The following PLEKHA3 variants were observed in gnomAD, a reference collection of about 807,000 sequenced individuals.
The protein encoded by PLEKHA3 is pleckstrin homology domain containing A3, also known as pleckstrin homology domain-containing family A member 3.
PLEKHA3 carries 19 observed loss-of-function variants against 39.2 expected under a neutral mutation model. The observed-to-expected ratio is 0.48, with a 90% CI of 0.34 to 0.71. The LOEUF (loss-of-function observed/expected upper bound fraction) is 0.71, where lower values mean the gene tolerates loss of function less well. Among genes scored for constraint, PLEKHA3 ranks in the 30% least tolerant of loss-of-function variants. The pLI is 0.01. For missense variants in PLEKHA3, 253 were observed against 359.5 expected (o/e 0.70, Z 2.40); for synonymous variants, 97 against 118.6 (o/e 0.82, Z 1.18).
chr2:178,501,648 A>C (rs1575146879), intron 7 of PLEKHA3, among the ~76,000 whole-genome samples: 1 of 151,966 alleles, frequency 6.6e-6, no homozygotes, highest in South Asian at 2.1e-4. Flanking sequence ...TTTCTTCCTT[A>C]TTAAAGAGGC....
rs575106816 is a variant in PLEKHA3 at position 178,514,922 on chromosome 2, A to C, written c.*11035A>C. 12 of 152,266 alleles carry C rather than the reference A, an allele frequency of 7.9e-5. No homozygotes were observed. The highest frequency in any genetic ancestry group is 1.5e-4 in the Non-Finnish European group (10 of 68,020). The allele number at this position is 152,266 out of a possible 1,614,324, so 9.4% of individuals were successfully genotyped here. A position where few individuals can be genotyped will look rare whatever the true frequency, so the allele number is the denominator to read the frequency against. ...TTTGAGGGGAAAAGGCACAGATTGCAACTTTTCTTTCCTGCTTTTGTGAAT... is the reference window on the plus strand; with the variant it reads ...TTTGAGGGGAAAAGGCACAGATTGCCACTTTTCTTTCCTGCTTTTGTGAAT... On this transcript the variant is annotated 3_prime_UTR_variant, in exon 8 of 8. Transcript: ENST00000234453.
rs187271083 is a variant in PLEKHA3, at chr2:178,510,656, G to A, written c.*6769G>A. 3.9e-5 allele frequency: 6 copies of A among 153,864 alleles called. No individual in the cohort carries two copies. Among genetic ancestry groups the A allele is most frequent in the African/African-American group, 1.2e-4 (5 of 41,550 alleles). 9.5% of individuals were successfully genotyped at this position (153,864 alleles called of 1,614,324 possible). A position where few individuals can be genotyped will look rare whatever the true frequency, so the allele number is the denominator to read the frequency against. On this transcript the variant is annotated 3_prime_UTR_variant, in exon 8 of 8. Coordinates refer to ENST00000234453, the MANE Select transcript of PLEKHA3 (RefSeq NM_019091.4). ...TAGTGCTCTACATAGTGTTGGAAGC[G>A]AGAGACTGAGCCCTAACATGCCAGT... is the stretch of plus-strand genomic sequence containing the variant.
At chr2:178,494,610 T>G (rs77603261) in intron 4 of PLEKHA3, among the ~76,000 whole-genome samples, 110 of 152,276 alleles carry the variant, frequency 7.2e-4, no homozygotes, top group African/African-American at 2.2e-3. Context: ...AGGAATCTTG[T>G]GTAAGAAGCC....
intron 3 of PLEKHA3, among the ~76,000 whole-genome samples, chr2:178,492,213 A>G (rs1464023298): frequency 6.6e-6 from 1 of 152,122 alleles, no homozygotes; most frequent in Non-Finnish European, 1.5e-5. Flanking sequence ...AGGTATTGAG[A>G]AATGAAGGCT....
At chr2:178,496,720 A>AT (rs1212683642) in intron 5 of PLEKHA3, among the ~76,000 whole-genome samples, 1 of 151,718 alleles carries the variant, frequency 6.6e-6, no homozygotes, top group African/African-American at 2.4e-5. Context: ...TTATTTATTT[A>AT]TTTATTTTTT....
chr2:178,492,368 A>C (rs920438319), intron 3 of PLEKHA3, among the ~76,000 whole-genome samples: 18 of 151,802 alleles, frequency 1.2e-4, no homozygotes, highest in African/African-American at 3.9e-4. Context: ...GATAAACAAA[A>C]TATACAATAG....
rs1299832940 is a variant in PLEKHA3, at chr2:178,501,112, G to A, written c.711G>A (p.Gln237=). 6.2e-7 allele frequency: 1 copy of A among 1,613,194 alleles called. No homozygotes were observed. Among genetic ancestry groups the A allele is most frequent in the African/African-American group, 1.3e-5 (1 of 74,852 alleles). The change falls in exon 7 of 8, where the codon CAG becomes CAA. Residue 237 remains glutamine, a synonymous_variant. Coordinates refer to ENST00000234453, the MANE Select transcript of PLEKHA3 (RefSeq NM_019091.4). ...TATCTACACTTCACCGACTCTCCCA[G>A]CGACGCCGAAGAACCTACTCAGATA... ...EPVSTLHRLS[Q]RRRRTYSDTD... is the part of the protein sequence containing the mutation.
In PLEKHA3 at chr2:178,507,674, T is replaced by G. The variant is rs1408759913; in HGVS notation, c.*3787T>G. On this transcript the variant is annotated 3_prime_UTR_variant, in exon 8 of 8. Transcript: ENST00000234453. ...TCACATTAGGTTTTTTTTTTTTTTT[T>G]TTTTTTTTTTTTTTTTTTTTGGCAA... The G allele has an allele frequency of 2.4e-5, 3 of 125,018 alleles. No homozygotes were observed. Among genetic ancestry groups the G allele is most frequent in the African/African-American group, 7.6e-5 (2 of 26,308 alleles). 7.7% of individuals were successfully genotyped at this position (125,018 alleles called of 1,614,324 possible). A position where few individuals can be genotyped will look rare whatever the true frequency, so the allele number is the denominator to read the frequency against.
rs1011915907 is a variant in PLEKHA3, at chr2:178,506,138, A to G, written c.*2251A>G. On this transcript the variant is annotated 3_prime_UTR_variant, in exon 8 of 8. Transcript: ENST00000234453. ...ATTCTGTAAGAATTTTAGCTTGTCA[A>G]GTTGTTCTATACTTTATAGAAAAAT... is the stretch of plus-strand genomic sequence containing the variant. 6.6e-6 allele frequency: 1 copy of G among 152,152 alleles called. No individual in the cohort carries two copies. Among genetic ancestry groups the G allele is most frequent in the Admixed American group, 6.6e-5 (1 of 15,260 alleles). The allele number at this position is 152,152 out of a possible 1,614,324, so 9.4% of individuals were successfully genotyped here.
At position 178,514,105 on chromosome 2, in the gene PLEKHA3, T is replaced by C. The variant is rs1685726596; in HGVS notation, c.*10218T>C. ...GCTTATTATTGATTTTTTTTTCTTG[T>C]TTTGCAGTTGTTGGCTAGAGAAAAG... On this transcript the variant is annotated 3_prime_UTR_variant, in exon 8 of 8. Transcript: ENST00000234453. 2.6e-5 allele frequency: 4 copies of C among 152,052 alleles called. No homozygotes were observed. The highest frequency in any genetic ancestry group is 2.6e-4 in the Admixed American group (4 of 15,260). The allele number at this position is 152,052 out of a possible 1,614,324, so 9.4% of individuals were successfully genotyped here. A position where few individuals can be genotyped will look rare whatever the true frequency, so the allele number is the denominator to read the frequency against.
At position 178,501,059 on chromosome 2, in the gene PLEKHA3, A is replaced by T. The variant is rs1225925372; in HGVS notation, c.660-2A>T. ...ATTTAATGCTTTTTACTTAATTTGC[A>T]GGAGTAGCCACTCTATAAAAGAACC... On this transcript the variant is annotated splice_acceptor_variant, in intron 6 of 7. Transcript: ENST00000234453. LOFTEE classifies it high-confidence loss of function. 1 of 1,600,294 alleles carries T rather than the reference A, an allele frequency of 6.2e-7. No homozygotes were observed. Among genetic ancestry groups the T allele is most frequent in the Non-Finnish European group, 8.5e-7 (1 of 1,171,612 alleles).
intron 7 of PLEKHA3, chr2:178,502,276 A>C (rs1685538015): frequency 5.2e-6 from 1 of 190,686 alleles, no homozygotes; most frequent in South Asian, 9.2e-5. Flanking sequence ...TGAATTAATC[A>C]TCTATTTATT....
intron 3 of PLEKHA3, among the ~76,000 whole-genome samples, chr2:178,491,828 C>A (rs933236577): frequency 3.3e-5 from 5 of 152,022 alleles, no homozygotes; most frequent in African/African-American, 1.2e-4. Context: ...TGGTGAGGGC[C>A]TCATGCTGCA....
chr2:178,499,449 GAAA>G (rs1256810945), intron 6 of PLEKHA3, among the ~76,000 whole-genome samples, 195 bp downstream of exon 6: 1 of 151,924 alleles, frequency 6.6e-6, no homozygotes, highest in Non-Finnish European at 1.5e-5. Context: ...AGTCAGTAAA[GAAA>G]AAAATGAATG....
chr2:178,486,488 A>C (rs1048479207), intron 2 of PLEKHA3, among the ~76,000 whole-genome samples: 4 of 152,222 alleles, frequency 2.6e-5, no homozygotes. Context: ...CTTGTCCTTC[A>C]TGAAGTGTGT....
rs1231053087 is a variant in PLEKHA3, at chr2:178,514,197, T to G, written c.*10310T>G. 1.3e-5 allele frequency: 2 copies of G among 150,218 alleles called. No individual in the cohort carries two copies. Among genetic ancestry groups the G allele is most frequent in the African/African-American group, 4.9e-5 (2 of 41,178 alleles). The allele number at this position is 150,218 out of a possible 1,614,324, so 9.3% of individuals were successfully genotyped here. On this transcript the variant is annotated 3_prime_UTR_variant, in exon 8 of 8. Coordinates refer to ENST00000234453, the MANE Select transcript of PLEKHA3 (RefSeq NM_019091.4). ...ATGACCATGGATAGCAAACTGCCTT[T>G]TTTTTTTTTTTTAACTCCTGTGTCA...
intron 4 of PLEKHA3, 64 bp from the exon 5 acceptor site, chr2:178,495,432 A>G: frequency 7.0e-7 from 1 of 1,430,412 alleles, no homozygotes; most frequent in East Asian, 2.3e-5. Flanking sequence ...ATTTAATGAT[A>G]AGGTTGTATA....
At chr2:178,497,536 A>G (rs767490382) in intron 5 of PLEKHA3, among the ~76,000 whole-genome samples, 1 of 152,132 alleles carries the variant, frequency 6.6e-6, no homozygotes, top group Non-Finnish European at 1.5e-5. Flanking sequence ...GGCCCATTTT[A>G]TGTATTTTTT....
chr2:178,503,872 A>G lies in PLEKHA3; in HGVS notation c.888A>G (p.Pro296=). Residue 296 remains proline, a synonymous_variant, in exon 8 of 8, where the codon CCA becomes CCG. Transcript: ENST00000234453. ...KKQSESEDTL[P]SFSS is the part of the protein sequence containing the mutation. ...AATCTGAATCAGAAGATACTCTTCC[A>G]TCCTTCTCTTCCTGAAGAAACTGAA... 6.2e-7 allele frequency: 1 copy of G among 1,611,554 alleles called. No homozygotes were observed. Among genetic ancestry groups the G allele is most frequent in the Non-Finnish European group, 8.5e-7 (1 of 1,178,086 alleles).
Sources: allele counts gnomAD v4.1 joint callset (sites outside exome capture counted in the v4.1 genomes callset), GRCh38; gene constraint gnomAD v4.1.1; transcripts MANE v1.5; gene names NCBI Gene and HGNC (gene_info 2026-07-23, HGNC 2026-07-21).